Variants in AKAP7 observed in about 807,000 individuals in gnomAD.
The protein encoded by AKAP7 is A-kinase anchoring protein 7.
AKAP7 carries 39 observed loss-of-function variants against 39.5 expected under a neutral mutation model. That is an observed-to-expected ratio of 0.99 (90% confidence interval 0.76 to 1.29). The LOEUF (loss-of-function observed/expected upper bound fraction) is 1.29, where lower values mean the gene tolerates loss of function less well. Among genes scored for constraint, AKAP7 ranks in the 50% most tolerant of loss-of-function variants. The pLI, the probability that AKAP7 is intolerant of heterozygous loss-of-function variation, is 0.00. For missense variants in AKAP7, 414 were observed against 407.7 expected, an observed-to-expected ratio of 1.02 and a Z score of -0.13; for synonymous variants, 140 against 139.1, an observed-to-expected ratio of 1.01 and a Z score of -0.05.
intron 5 of AKAP7, among the ~76,000 whole-genome samples, chr6:131,176,605 T>G (rs1424077882): frequency 6.6e-6 from 1 of 152,182 alleles, no homozygotes; most frequent in Non-Finnish European, 1.5e-5. Flanking sequence ...AGATTCTAAG[T>G]ACATTTATCT....
chr6:131,185,291 C>G, intron 5 of AKAP7: 1 of 472,504 alleles, frequency 2.1e-6, no homozygotes, highest in South Asian at 1.9e-5. Context: ...TGTCCAGAGG[C>G]CAATCCTAGA....
At chr6:131,237,632 TGGG>T (rs1353946466) in intron 7 of AKAP7, among the ~76,000 whole-genome samples, 1 of 152,192 alleles carries the variant, frequency 6.6e-6, no homozygotes, top group Non-Finnish European at 1.5e-5. Flanking sequence ...GGTTTAGTCT[TGGG>T]GGGTGTATGT....
chr6:131,184,407 G>C (rs1231154081), intron 5 of AKAP7: 1 of 661,946 alleles, frequency 1.5e-6, no homozygotes, highest in Non-Finnish European at 2.9e-6. Context: ...ACTTCCTTCA[G>C]GGGGCTCAGA....
At chr6:131,253,094 G>A in intron 7 of AKAP7, 2 of 1,613,008 alleles carry the variant, frequency 1.2e-6, no homozygotes, top group Non-Finnish European at 1.7e-6. Context: ...GATATACCCA[G>A]TTGGTCAAGT....
intron 2 of AKAP7, among the ~76,000 whole-genome samples, chr6:131,151,610 G>A (rs1043781937): frequency 6.6e-6 from 1 of 151,958 alleles, no homozygotes; most frequent in African/African-American, 2.4e-5. Context: ...GCCGAGTGTG[G>A]TGGCATGTGC....
chr6:131,253,121 C>T (rs1812572795), intron 7 of AKAP7: 2 of 1,607,718 alleles, frequency 1.2e-6, no homozygotes, highest in Non-Finnish European at 8.5e-7. Flanking sequence ...AGTCAAGTGA[C>T]CCCTCCCCTC....
intron 7 of AKAP7, among the ~76,000 whole-genome samples, chr6:131,258,313 AC>A (rs1813029587): frequency 6.6e-6 from 1 of 152,170 alleles, no homozygotes; most frequent in Non-Finnish European, 1.5e-5. Flanking sequence ...AATCTGTGAG[AC>A]CTCAAAGTTT....
chr6:131,204,058 G>A (rs779892246), intron 6 of AKAP7, among the ~76,000 whole-genome samples: 14 of 152,232 alleles, frequency 9.2e-5, no homozygotes, highest in Admixed American at 2.0e-4. Context: ...GGATAAACTC[G>A]TGGTAGAAAG....
intron 7 of AKAP7, among the ~76,000 whole-genome samples, chr6:131,242,606 T>A (rs2128314015): frequency 6.6e-6 from 1 of 152,118 alleles, no homozygotes; most frequent in Non-Finnish European, 1.5e-5. Flanking sequence ...CACAGAACAC[T>A]AGCAGACACT....
In AKAP7 at chr6:131,281,553, G is replaced by A. The variant is rs578173844; in HGVS notation, c.874G>A (p.Asp292Asn). ...VIGEKNGGEPDDAELVRLSKR... is the reference protein window; with the variant it reads ...VIGEKNGGEPNDAELVRLSKR... ...AGGTGAAAAGAACGGAGGGGAGCCCGATGACGCTGAACTAGTAAGGCTCAG... is the reference window on the plus strand; with the variant it reads ...AGGTGAAAAGAACGGAGGGGAGCCCAATGACGCTGAACTAGTAAGGCTCAG... Residue 292 changes from aspartate (D) to asparagine (N), a missense_variant, in exon 8 of 8, where the codon GAT becomes AAT. Transcript: ENST00000431975. This position sits in a 1 kb window ranked among gnomAD's most constrained non-coding sequence, Gnocchi z 4.0. 6 of 1,609,918 alleles carry A rather than the reference G, an allele frequency of 3.7e-6. No homozygotes were observed. The highest frequency in any genetic ancestry group is 4.5e-5 in the East Asian group (2 of 44,600).
At chr6:131,154,678 T>C (rs1386102584) in intron 2 of AKAP7, among the ~76,000 whole-genome samples, 1 of 152,148 alleles carries the variant, frequency 6.6e-6, no homozygotes, top group Non-Finnish European at 1.5e-5. Context: ...AAAATATCCT[T>C]ACTATACCAA....
intron 5 of AKAP7, among the ~76,000 whole-genome samples, chr6:131,194,283 T>C (rs1190794): frequency 0.28 from 42,998 of 151,966 alleles, 6,821 homozygotes; most frequent in Non-Finnish European, 0.36. Flanking sequence ...TTCTTTTTAA[T>C]TGGCCCATTG....
At chr6:131,167,876 G>A (rs922729172) in intron 4 of AKAP7, among the ~76,000 whole-genome samples, 1 of 152,064 alleles carries the variant, frequency 6.6e-6, no homozygotes, top group Non-Finnish European at 1.5e-5. Context: ...CAAACACTTG[G>A]CTGAACAAAT....
At chr6:131,235,671 A>C (rs1206237343) in intron 7 of AKAP7, among the ~76,000 whole-genome samples, 4 of 152,074 alleles carry the variant, frequency 2.6e-5, no homozygotes, top group Non-Finnish European at 4.4e-5. Context: ...GATGATGAGC[A>C]TTTTTTCATG....
chr6:131,192,518 A>G (rs781434013), intron 5 of AKAP7, among the ~76,000 whole-genome samples: 3 of 152,118 alleles, frequency 2.0e-5, no homozygotes, highest in Non-Finnish European at 4.4e-5. Flanking sequence ...AAGTTAAGTA[A>G]TATGATTCCT....
chr6:131,267,557 G>T (rs1369774010), intron 7 of AKAP7, among the ~76,000 whole-genome samples: 1 of 152,092 alleles, frequency 6.6e-6, no homozygotes, highest in East Asian at 1.9e-4. Flanking sequence ...AGCCTTCAGG[G>T]TCTCTCCCTT....
intron 5 of AKAP7, among the ~76,000 whole-genome samples, chr6:131,170,986 A>C (rs925633372): frequency 6.6e-6 from 1 of 152,184 alleles, no homozygotes; most frequent in Non-Finnish European, 1.5e-5. Context: ...GAAATTCACT[A>C]TTGCTGTTAT....
intron 7 of AKAP7, among the ~76,000 whole-genome samples, chr6:131,256,488 T>C (rs990195537): frequency 6.6e-6 from 1 of 152,102 alleles, no homozygotes; most frequent in Admixed American, 6.5e-5. Context: ...GTTGAATAAT[T>C]TCCATGAGGA....
intron 7 of AKAP7, among the ~76,000 whole-genome samples, chr6:131,228,581 G>C (rs1303536336): frequency 6.6e-6 from 1 of 151,822 alleles, no homozygotes; most frequent in African/African-American, 2.4e-5. Context: ...TTAAATTCCT[G>C]GGCTCTTGCC....
Sources: allele counts gnomAD v4.1 joint callset (sites outside exome capture counted in the v4.1 genomes callset), GRCh38; gene constraint gnomAD v4.1.1; non-coding constraint Gnocchi (gnomAD v3.1); transcripts MANE v1.5; gene names NCBI Gene and HGNC (gene_info 2026-07-23, HGNC 2026-07-21).